Variants in OPCML observed in about 807,000 individuals in gnomAD.
OPCML encodes the protein opioid binding protein/cell adhesion molecule like.
A neutral mutation model predicts 37.8 loss-of-function variants in OPCML; 13 were observed. The observed-to-expected ratio is 0.34, with a 90% CI of 0.22 to 0.55. The LOEUF (loss-of-function observed/expected upper bound fraction) is 0.55. OPCML is among the 20% of genes least tolerant of loss of function. The pLI is 0.91. For synonymous variants in OPCML, 176 were observed against 168.8 expected (o/e 1.04, Z -0.33); for missense variants, 341 against 435.6 (o/e 0.78, Z 1.93).
chr11:132,669,602 A>G (rs1033481375), intron 2 of OPCML, among the ~76,000 whole-genome samples: 1 of 152,196 alleles, frequency 6.6e-6, no homozygotes, highest in Non-Finnish European at 1.5e-5. Context: ...CTCTTCTTTT[A>G]GAGTCACAGT....
chr11:133,321,048 A>G (rs1175748029), intron 1 of OPCML, among the ~76,000 whole-genome samples: 1 of 152,124 alleles, frequency 6.6e-6, no homozygotes, highest in Admixed American at 6.6e-5. Context: ...CCCCTCAGCC[A>G]TGTCTTCATG....
intron 1 of OPCML, among the ~76,000 whole-genome samples, chr11:133,453,659 C>T (rs1011487875): frequency 6.6e-5 from 10 of 152,200 alleles, no homozygotes; most frequent in Admixed American, 1.3e-4. Flanking sequence ...CTAAACACAG[C>T]TCAGCCACAA....
chr11:133,169,753 T>C (rs1950262083), intron 1 of OPCML, among the ~76,000 whole-genome samples: 1 of 152,168 alleles, frequency 6.6e-6, no homozygotes, highest in Admixed American at 6.5e-5. Context: ...CTTGGAGACA[T>C]GCAGTTAATA....
At chr11:132,510,938 G>A (rs2096267480) in intron 4 of OPCML, among the ~76,000 whole-genome samples, 2 of 152,052 alleles carry the variant, frequency 1.3e-5, no homozygotes, top group Admixed American at 6.6e-5. Context: ...GTATTACAAT[G>A]TATTTTTAAT....
chr11:132,517,170 G>A (rs2096281846), intron 4 of OPCML, among the ~76,000 whole-genome samples: 1 of 152,166 alleles, frequency 6.6e-6, no homozygotes, highest in Admixed American at 6.6e-5. Flanking sequence ...TACATGGCAT[G>A]TGAATTTAAT....
At chr11:133,026,987 A>T (rs11223332) in intron 1 of OPCML, among the ~76,000 whole-genome samples, 3 of 152,072 alleles carry the variant, frequency 2.0e-5, no homozygotes, top group Middle Eastern at 3.4e-3. Context: ...GAGTTGAGCC[A>T]GGCCACAGAG....
At chr11:133,144,530 A>T (rs1162242923) in intron 1 of OPCML, among the ~76,000 whole-genome samples, 2 of 152,226 alleles carry the variant, frequency 1.3e-5, no homozygotes, top group Non-Finnish European at 2.9e-5. Flanking sequence ...CTTTCCTACA[A>T]GCCCAGGGAA....
chr11:132,697,457 C>T (rs1225591251), intron 2 of OPCML, among the ~76,000 whole-genome samples: 6 of 152,154 alleles, frequency 3.9e-5, no homozygotes, highest in Non-Finnish European at 8.8e-5. Flanking sequence ...CAGTCCCTGA[C>T]AATCACCATT....
chr11:133,436,870 A>C (rs1015280872), intron 1 of OPCML, among the ~76,000 whole-genome samples: 1 of 152,172 alleles, frequency 6.6e-6, no homozygotes, highest in Non-Finnish European at 1.5e-5. Flanking sequence ...ACTCAGGGGT[A>C]TGATGGAATG....
chr11:133,092,927 C>G (rs1212350521), intron 1 of OPCML, among the ~76,000 whole-genome samples: 1 of 151,986 alleles, frequency 6.6e-6, no homozygotes, highest in Non-Finnish European at 1.5e-5. Context: ...CCAGCTGCAC[C>G]CATTCTCATC....
At chr11:132,730,899 C>T (rs182230559) in intron 2 of OPCML, among the ~76,000 whole-genome samples, 7 of 152,078 alleles carry the variant, frequency 4.6e-5, no homozygotes, top group African/African-American at 7.2e-5. Flanking sequence ...ACTGAACATG[C>T]GAAGAAAGGA....
At chr11:133,255,874 A>G (rs1291510654) in intron 1 of OPCML, among the ~76,000 whole-genome samples, 1 of 152,120 alleles carries the variant, frequency 6.6e-6, no homozygotes, top group Non-Finnish European at 1.5e-5. Flanking sequence ...TTTTGTCTGC[A>G]TTTTTCTTTT....
intron 1 of OPCML, among the ~76,000 whole-genome samples, chr11:133,114,353 C>CT (rs1555096576): frequency 2.0e-5 from 3 of 151,760 alleles, no homozygotes; most frequent in Non-Finnish European, 2.9e-5. Flanking sequence ...TCTGACGTCT[C>CT]TTTTTTTTCT....
At chr11:132,542,409 A>T (rs7111181) in intron 3 of OPCML, among the ~76,000 whole-genome samples, 11,178 of 152,174 alleles carry the variant, frequency 0.073, 758 homozygotes, top group African/African-American at 0.18. Context: ...TTTGAGGGGA[A>T]ATGTGGTTTC....
chr11:133,259,846 T>G (rs1941434881), intron 1 of OPCML, among the ~76,000 whole-genome samples: 1 of 152,166 alleles, frequency 6.6e-6, no homozygotes, highest in African/African-American at 2.4e-5. Flanking sequence ...AATAGATATT[T>G]ACTAAGCACC....
chr11:133,187,570 T>G (rs1592085469), intron 1 of OPCML, among the ~76,000 whole-genome samples: 1 of 152,098 alleles, frequency 6.6e-6, no homozygotes, highest in East Asian at 1.9e-4. Flanking sequence ...CTTCTACCTT[T>G]CTGCTTCACC....
At chr11:133,486,769 C>T (rs1010652419) in intron 1 of OPCML, among the ~76,000 whole-genome samples, 5 of 151,994 alleles carry the variant, frequency 3.3e-5, no homozygotes, top group Non-Finnish European at 1.5e-5. Flanking sequence ...GAGTATGCGG[C>T]CATTCCTTAT....
chr11:132,774,908 AT>A (rs1477751605), intron 2 of OPCML, among the ~76,000 whole-genome samples: 1 of 152,122 alleles, frequency 6.6e-6, no homozygotes, highest in Non-Finnish European at 1.5e-5. Context: ...ATTTATCCCA[AT>A]TCACTTTGGA....
At chr11:133,423,037 A>G (rs1945924520) in intron 1 of OPCML, 1 of 984,958 alleles carries the variant, frequency 1.0e-6, no homozygotes, top group African/African-American at 1.7e-5. Context: ...AGGAACCTCT[A>G]CTGTTCCTCT....
Sources: gnomAD v4.1 joint callset for allele counts (sites outside exome capture counted in the v4.1 genomes callset) on GRCh38, gnomAD v4.1.1 for gene constraint, MANE v1.5 for transcripts, NCBI Gene and HGNC (gene_info 2026-07-23, HGNC 2026-07-21) for gene names.